Variants in SEZ6L observed in about 807,000 individuals in gnomAD.
SEZ6L encodes seizure 6-like protein.
SEZ6L carries 37 observed loss-of-function variants against 106.2 expected under a neutral mutation model. The ratio of observed to expected loss-of-function variants is 0.35; its 90% confidence interval spans 0.27 to 0.46. The LOEUF (loss-of-function observed/expected upper bound fraction) is 0.46, where lower values mean the gene tolerates loss of function less well. SEZ6L is among the 20% of genes least tolerant of loss of function. The pLI is 1.00. For synonymous variants in SEZ6L, 541 were observed against 570.4 expected (o/e 0.95, Z 0.73); for missense variants, 1,172 against 1,332.8 (o/e 0.88, Z 1.88).
chr22:26,221,307 T>C (rs1361338274), intron 1 of SEZ6L, among the ~76,000 whole-genome samples: 1 of 151,984 alleles, frequency 6.6e-6, no homozygotes, highest in African/African-American at 2.4e-5. Context: ...TAATTTCCAA[T>C]TAACATCTTG....
At chr22:26,178,729 C>A (rs1303042600) in intron 1 of SEZ6L, among the ~76,000 whole-genome samples, 1 of 152,150 alleles carries the variant, frequency 6.6e-6, no homozygotes, top group Non-Finnish European at 1.5e-5. Context: ...AAAAAAGACA[C>A]AGACCCTGGA....
intron 1 of SEZ6L, among the ~76,000 whole-genome samples, chr22:26,269,214 T>A (rs1157075276): frequency 1.3e-5 from 2 of 152,226 alleles, no homozygotes; most frequent in Non-Finnish European, 2.9e-5. Flanking sequence ...GTGACTCACC[T>A]GGAGTCCTTG....
At chr22:26,275,168 G>T (rs116925596) in intron 1 of SEZ6L, among the ~76,000 whole-genome samples, 3 of 152,242 alleles carry the variant, frequency 2.0e-5, no homozygotes, top group Non-Finnish European at 2.9e-5. Flanking sequence ...TATACAGATG[G>T]TCCCCAACTT....
Position 26,311,766 on chromosome 22 carries a change from A to T in SEZ6L, c.1682-2A>T. On this transcript the variant is annotated splice_acceptor_variant, in intron 7 of 16. Coordinates refer to ENST00000248933, the MANE Select transcript of SEZ6L (RefSeq NM_021115.5). LOFTEE classifies it high-confidence loss of function. The stretch of plus-strand genomic sequence containing the variant: ...ACTGCTGCCTCTCTTTCCCTTCCTC[A>T]GCGTTTGAGAAAGGCCACTGCTATG... 1 of 1,613,262 alleles carries T rather than the reference A, an allele frequency of 6.2e-7. No individual in the cohort carries two copies. The highest frequency in any genetic ancestry group is 8.5e-7 in the Non-Finnish European group (1 of 1,179,288).
intron 1 of SEZ6L, among the ~76,000 whole-genome samples, chr22:26,210,610 C>T (rs1034518017): frequency 2.6e-5 from 4 of 152,036 alleles, no homozygotes; most frequent in East Asian, 1.9e-4. Context: ...AGTGAGTGCG[C>T]GGACATTCAT....
chr22:26,266,598 T>C (rs1569431082), intron 1 of SEZ6L, among the ~76,000 whole-genome samples: 1 of 147,774 alleles, frequency 6.8e-6, no homozygotes, highest in Admixed American at 6.7e-5. Flanking sequence ...AATAAATAAA[T>C]AAATAAATAA....
chr22:26,306,516 A>T (rs537919497), intron 6 of SEZ6L, among the ~76,000 whole-genome samples: 1 of 152,348 alleles, frequency 6.6e-6, no homozygotes, highest in South Asian at 2.1e-4. Context: ...AACATGAAAG[A>T]AGTAGAAAAT....
rs2146079930 is a variant in SEZ6L at position 26,373,380 on chromosome 22, T to C, written c.2795-71T>C. 2.2e-6 allele frequency: 3 copies of C among 1,361,838 alleles called. No individual in the cohort carries two copies. In the East Asian group the frequency reaches 7.0e-5, roughly 32 times the overall value. 84.4% of individuals were successfully genotyped at this position (1,361,838 alleles called of 1,614,324 possible). A position where few individuals can be genotyped will look rare whatever the true frequency, so the allele number is the denominator to read the frequency against. On this transcript the variant is annotated intron_variant, in intron 13 of 16. Transcript: ENST00000248933. The stretch of plus-strand genomic sequence containing the variant: ...TGGCATGGGCTTTTGCATCAAATTT[T>C]TTGGCCTCATTTCATGCAAACGAAG...
At chr22:26,321,501 A>T (rs1601494492) in intron 9 of SEZ6L, among the ~76,000 whole-genome samples, 1 of 152,196 alleles carries the variant, frequency 6.6e-6, no homozygotes, top group Non-Finnish European at 1.5e-5. Flanking sequence ...TCCTCTGGTC[A>T]CCAGCCCGAG....
intron 10 of SEZ6L, among the ~76,000 whole-genome samples, chr22:26,342,949 A>G (rs1432214079): frequency 6.6e-6 from 1 of 152,150 alleles, no homozygotes; most frequent in Non-Finnish European, 1.5e-5. Flanking sequence ...AACATTTTTC[A>G]TCCCTGCCTG....
chr22:26,338,820 T>C (rs1288739051), intron 9 of SEZ6L, among the ~76,000 whole-genome samples: 1 of 140,218 alleles, frequency 7.1e-6, no homozygotes, highest in Non-Finnish European at 1.6e-5. Context: ...CCTCCCAAAG[T>C]GCTGGGATTA....
intron 10 of SEZ6L, among the ~76,000 whole-genome samples, chr22:26,341,127 C>G (rs933970544): frequency 6.6e-6 from 1 of 152,218 alleles, no homozygotes. Flanking sequence ...AAGGCCTCTT[C>G]TTTTCCTGTA....
chr22:26,311,638 G>C, intron 7 of SEZ6L, 130 bp from the exon 8 acceptor site: 1 of 809,492 alleles, frequency 1.2e-6, no homozygotes, highest in Non-Finnish European at 2.0e-6. Context: ...GCTGGAACCA[G>C]GACACGTAAT....
At chr22:26,325,812 G>A (rs2082287976) in intron 9 of SEZ6L, among the ~76,000 whole-genome samples, 1 of 151,992 alleles carries the variant, frequency 6.6e-6, no homozygotes, top group Admixed American at 6.5e-5. Flanking sequence ...ACTTGGCAAG[G>A]GCTTAGTACA....
chr22:26,348,062 T>C, intron 11 of SEZ6L, 149 bp downstream of exon 11: 1 of 629,720 alleles, frequency 1.6e-6, no homozygotes, highest in East Asian at 3.3e-5. Flanking sequence ...ACAAATGTCA[T>C]TTTATAGCTG....
At chr22:26,198,712 G>A (rs925289620) in intron 1 of SEZ6L, among the ~76,000 whole-genome samples, 1 of 152,206 alleles carries the variant, frequency 6.6e-6, no homozygotes, top group South Asian at 2.1e-4. Context: ...GGCCAACAGG[G>A]CCTCGCTAGT....
At chr22:26,262,994 C>T (rs2080065366) in intron 1 of SEZ6L, among the ~76,000 whole-genome samples, 1 of 152,180 alleles carries the variant, frequency 6.6e-6, no homozygotes, top group Non-Finnish European at 1.5e-5. Context: ...ATATTGACTA[C>T]CATTCAGTCT....
At chr22:26,245,882 TA>T (rs1056737564) in intron 1 of SEZ6L, among the ~76,000 whole-genome samples, 68 of 152,356 alleles carry the variant, frequency 4.5e-4, no homozygotes, top group African/African-American at 1.6e-3. Flanking sequence ...TTATCATTGC[TA>T]TTATTATAAC....
At chr22:26,340,883 T>C (rs1194809476) in intron 10 of SEZ6L, among the ~76,000 whole-genome samples, 2 of 152,226 alleles carry the variant, frequency 1.3e-5, no homozygotes, top group African/African-American at 2.4e-5. Context: ...CTTTTTGTCA[T>C]CTGTAAGATG....
Sources: allele counts gnomAD v4.1 joint callset (sites outside exome capture counted in the v4.1 genomes callset), GRCh38; gene constraint gnomAD v4.1.1; transcripts MANE v1.5; gene names NCBI Gene and HGNC (gene_info 2026-07-23, HGNC 2026-07-21).